Variants in EXOC6 observed in about 807,000 individuals in gnomAD.
EXOC6 encodes SEC15-like 1.
In EXOC6, 60 loss-of-function variants were observed where a neutral mutation model predicts 112.5. The observed-to-expected ratio is 0.53, with a 90% CI of 0.43 to 0.66. The LOEUF (loss-of-function observed/expected upper bound fraction) is 0.66, where lower values mean the gene tolerates loss of function less well. EXOC6 is among the 30% of genes least tolerant of loss of function. The pLI is 0.00. For missense variants in EXOC6, 855 were observed against 957.1 expected (o/e 0.89, Z 1.41); for synonymous variants, 295 against 308.0 (o/e 0.96, Z 0.44).
chr10:92,929,196 A>G (rs2133937399), intron 9 of EXOC6, among the ~76,000 whole-genome samples: 1 of 152,344 alleles, frequency 6.6e-6, no homozygotes, highest in South Asian at 2.1e-4. Flanking sequence ...AAACCATCTA[A>G]AAATCCTTCT....
chr10:92,896,147 G>GTATATATATATA (rs1337829493), intron 4 of EXOC6, among the ~76,000 whole-genome samples: 2 of 24,486 alleles, frequency 8.2e-5, no homozygotes, highest in African/African-American at 2.3e-4. Flanking sequence ...GTATGTATGT[G>GTATATATATATA]TATATATATA....
At chr10:92,999,103 C>T (rs1195980930) in intron 19 of EXOC6, 4 of 322,300 alleles carry the variant, frequency 1.2e-5, no homozygotes, top group Non-Finnish European at 2.3e-5. Context: ...AACTCCTGGC[C>T]TCAAGTGATC....
At chr10:92,905,822 G>T (rs1277331968) in intron 5 of EXOC6, among the ~76,000 whole-genome samples, 1 of 152,056 alleles carries the variant, frequency 6.6e-6, no homozygotes, top group South Asian at 2.1e-4. Flanking sequence ...GTAGTTGTTG[G>T]ATGAAGTATT....
intron 1 of EXOC6, among the ~76,000 whole-genome samples, chr10:92,827,434 A>T (rs1007104485): frequency 7.7e-6 from 1 of 129,168 alleles, no homozygotes; most frequent in African/African-American, 2.9e-5. Flanking sequence ...AGATGGCACC[A>T]CTGCACTGCA....
chr10:92,954,093 C>T (rs1434325019), intron 15 of EXOC6, among the ~76,000 whole-genome samples: 2 of 152,014 alleles, frequency 1.3e-5, no homozygotes, highest in African/African-American at 4.8e-5. Flanking sequence ...CCAGCCTGGG[C>T]AACATAGTGC....
intron 19 of EXOC6, among the ~76,000 whole-genome samples, chr10:93,010,648 A>C (rs1844194673): frequency 6.6e-6 from 1 of 151,178 alleles, no homozygotes; most frequent in Admixed American, 6.6e-5. Flanking sequence ...GTAGTGAGCC[A>C]AGATTGCGCC....
intron 9 of EXOC6, among the ~76,000 whole-genome samples, chr10:92,930,380 G>A (rs189652779): frequency 1.2e-3 from 182 of 152,198 alleles, no homozygotes; most frequent in African/African-American, 4.2e-3. Flanking sequence ...GCGCGTGCCT[G>A]TAATCCCAGC....
chr10:92,954,121 A>C (rs1853566476), intron 15 of EXOC6, among the ~76,000 whole-genome samples: 2 of 152,040 alleles, frequency 1.3e-5, no homozygotes, highest in Admixed American at 1.3e-4. Context: ...TTTCTATAAA[A>C]TATTTGAAAC....
At chr10:93,038,209 A>G (rs1334140294) in intron 20 of EXOC6, among the ~76,000 whole-genome samples, 1 of 152,044 alleles carries the variant, frequency 6.6e-6, no homozygotes, top group Non-Finnish European at 1.5e-5. Flanking sequence ...TGTTTTACAT[A>G]CTAGTGGATA....
At chr10:92,906,396 A>C (rs1850445037) in intron 5 of EXOC6, among the ~76,000 whole-genome samples, 1 of 152,200 alleles carries the variant, frequency 6.6e-6, no homozygotes, top group Non-Finnish European at 1.5e-5. Context: ...ATGGTAGGAC[A>C]AACTCTGGTG....
chr10:92,863,031 G>T (rs1847983043), intron 1 of EXOC6, among the ~76,000 whole-genome samples: 1 of 152,218 alleles, frequency 6.6e-6, no homozygotes, highest in Admixed American at 6.5e-5. Flanking sequence ...GCCTATAGCA[G>T]AGCTTTTAGG....
chr10:93,055,738 A>T (rs955684372), intron 20 of EXOC6, among the ~76,000 whole-genome samples: 3 of 152,140 alleles, frequency 2.0e-5, no homozygotes, highest in African/African-American at 7.2e-5. Context: ...ATCTTGTCCG[A>T]AAGAAAATAG....
chr10:92,931,067 G>A (rs1435961541), intron 9 of EXOC6, among the ~76,000 whole-genome samples: 3 of 135,602 alleles, frequency 2.2e-5, no homozygotes, highest in Admixed American at 8.5e-5. Flanking sequence ...AACTGAGATC[G>A]TACCATTGCA....
intron 17 of EXOC6, among the ~76,000 whole-genome samples, chr10:92,965,546 A>G (rs1310400843): frequency 6.6e-6 from 1 of 152,188 alleles, no homozygotes; most frequent in East Asian, 1.9e-4. Context: ...TGGTAAGGTC[A>G]TAAGATTGAG....
At chr10:92,986,584 G>A (rs867264087) in intron 18 of EXOC6, among the ~76,000 whole-genome samples, 1 of 150,450 alleles carries the variant, frequency 6.6e-6, no homozygotes, top group African/African-American at 2.4e-5. Flanking sequence ...CAGTCTAGGC[G>A]ATACTGGAAG....
chr10:92,865,259 C>T (rs1438943314), intron 1 of EXOC6, among the ~76,000 whole-genome samples: 1 of 152,022 alleles, frequency 6.6e-6, no homozygotes, highest in Non-Finnish European at 1.5e-5. Flanking sequence ...ATCAGCTGGG[C>T]ACGGTGGCTC....
chr10:93,035,786 C>T (rs942915783), intron 20 of EXOC6, among the ~76,000 whole-genome samples: 2 of 152,154 alleles, frequency 1.3e-5, no homozygotes, highest in Non-Finnish European at 1.5e-5. Context: ...ACCTGGCCTG[C>T]GGAGGTTGCA....
intron 11 of EXOC6, among the ~76,000 whole-genome samples, 188 bp downstream of exon 11, chr10:92,934,618 G>T (rs936726832): frequency 6.6e-6 from 1 of 152,006 alleles, no homozygotes; most frequent in African/African-American, 2.4e-5. Context: ...ACTGACTGGG[G>T]CTTCCCAAAA....
chr10:92,875,650 A>G (rs1207539038), intron 1 of EXOC6, among the ~76,000 whole-genome samples: 1 of 152,190 alleles, frequency 6.6e-6, no homozygotes, highest in Non-Finnish European at 1.5e-5. Flanking sequence ...CTTAAAAAAT[A>G]TAGAAGAATA....
Sources: gnomAD v4.1 joint callset for allele counts (sites outside exome capture counted in the v4.1 genomes callset) on GRCh38, gnomAD v4.1.1 for gene constraint, MANE v1.5 for transcripts, NCBI Gene and HGNC (gene_info 2026-07-23, HGNC 2026-07-21) for gene names.